The following INPP5F variants were observed in gnomAD, a reference collection of about 807,000 sequenced individuals.
INPP5F encodes phosphatidylinositide 4-phosphatase SAC2.
A neutral mutation model predicts 137.2 loss-of-function variants in INPP5F; 97 were observed. The ratio of observed to expected loss-of-function variants is 0.71; its 90% confidence interval spans 0.60 to 0.84. The LOEUF (loss-of-function observed/expected upper bound fraction) is 0.84, where lower values mean the gene tolerates loss of function less well. INPP5F is among the 40% of genes least tolerant of loss of function. INPP5F has a pLI of 0.00. For missense variants in INPP5F, 1,271 were observed against 1,371.9 expected (o/e 0.93, Z 1.16); for synonymous variants, 504 against 476.9 (o/e 1.06, Z -0.74).
At chr10:119,738,108 G>A (rs1455285955) in intron 1 of INPP5F, among the ~76,000 whole-genome samples, 1 of 152,168 alleles carries the variant, frequency 6.6e-6, no homozygotes, top group Non-Finnish European at 1.5e-5. Flanking sequence ...GCCATGTACT[G>A]CCAAATGGAT....
Position 119,781,694 on chromosome 10 carries a change from G to C in INPP5F, c.238G>C (p.Asp80His). The C allele has an allele frequency of 6.2e-7, 1 of 1,613,010 alleles. No individual in the cohort carries two copies. Among genetic ancestry groups the C allele is most frequent in the East Asian group, 2.2e-5 (1 of 44,852 alleles). The stretch of plus-strand genomic sequence containing the variant: ...AGCATTGGTGGGCAAACTCCCAGGA[G>C]ACCATGAGGTCTGTAAAGTTACCAA... ...QKALVGKLPG[D>H]HEVCKVTKIA... The change falls in exon 3 of 20, where the codon GAC becomes CAC. Residue 80 changes from aspartate (D) to histidine (H), a missense_variant. Physicochemically the swap from Asp to His is moderately conservative, Grantham distance 81 (BLOSUM62 -1). Around this residue, in one of 6 missense-constraint regions of INPP5F, gnomAD observed 109 missense variants for 105.1 expected, o/e 1.04. Coordinates refer to ENST00000650623, the MANE Select transcript of INPP5F (RefSeq NM_014937.4).
rs373352632 is a variant in INPP5F, at chr10:119,738,708, A to G, written c.97+12349A>G. ...AAGTGTCAGCTGTATGCCAGGCGCT[A>G]TACCAGGCAGCGAAGTCAGAGCAGC... On this transcript the variant is annotated intron_variant, in intron 1 of 19. Transcript: ENST00000650623. Among the ~76,000 whole-genome samples, 45 of 152,222 alleles carry G rather than the reference A, an allele frequency of 3.0e-4. 2 individuals carry two copies. The highest frequency in any genetic ancestry group is 9.9e-4 in the African/African-American group (41 of 41,528).
rs1341778496 is a variant in INPP5F at position 119,827,842 on chromosome 10, G to A, written c.*62G>A. On this transcript the variant is annotated 3_prime_UTR_variant, in exon 20 of 20. Transcript: ENST00000650623. ...AAAAATATGAAATTTTCACCTCTTG[G>A]GGTATTTTAATTGTACTGTCTGAAC... The A allele has an allele frequency of 5.9e-5, 72 of 1,221,092 alleles. No homozygotes were observed. The highest frequency in any genetic ancestry group is 8.0e-5 in the Non-Finnish European group (70 of 870,990). 75.6% of individuals were successfully genotyped at this position (1,221,092 alleles called of 1,614,324 possible).
intron 9 of INPP5F, among the ~76,000 whole-genome samples, chr10:119,799,094 T>C (rs576392466): frequency 6.6e-6 from 1 of 152,352 alleles, no homozygotes; most frequent in African/African-American, 2.4e-5. Flanking sequence ...TTTTTCAGTA[T>C]GTTTTTTTCT....
At chr10:119,788,498 A>T (rs1354242271) in intron 3 of INPP5F, among the ~76,000 whole-genome samples, 1 of 152,152 alleles carries the variant, frequency 6.6e-6, no homozygotes, top group Non-Finnish European at 1.5e-5. Context: ...AGGAAGAGAC[A>T]GCAGGGAGTG....
At chr10:119,818,626 G>C (rs1010035664) in intron 15 of INPP5F, 1 of 152,344 alleles carries the variant, frequency 6.6e-6, no homozygotes, top group Non-Finnish European at 1.5e-5. Flanking sequence ...GCGCGCATGC[G>C]CACTGGCCGC....
chr10:119,809,415 G>A (rs935548828), intron 13 of INPP5F, among the ~76,000 whole-genome samples: 4 of 152,064 alleles, frequency 2.6e-5, no homozygotes, highest in African/African-American at 9.7e-5. Flanking sequence ...TAAATTGTCG[G>A]TTTTTGGACT....
intron 6 of INPP5F, among the ~76,000 whole-genome samples, chr10:119,795,233 G>A (rs1850322457): frequency 6.6e-6 from 1 of 151,110 alleles, no homozygotes; most frequent in African/African-American, 2.4e-5. Context: ...CCTCCTGGAC[G>A]GGGCGGCTGG....
At chr10:119,804,327 T>C in intron 10 of INPP5F, 30 bp downstream of exon 10, 1 of 1,568,400 alleles carries the variant, frequency 6.4e-7, no homozygotes, top group Non-Finnish European at 8.6e-7. Context: ...ATAGTGTTGA[T>C]CAATTGCAGT....
intron 2 of INPP5F, among the ~76,000 whole-genome samples, chr10:119,759,710 T>G (rs1471367973): frequency 6.6e-6 from 1 of 152,212 alleles, no homozygotes; most frequent in Non-Finnish European, 1.5e-5. Flanking sequence ...TAGAAGATTC[T>G]TTAACTATAA....
rs759351029 is a variant in INPP5F at position 119,823,085 on chromosome 10, CT to C, written c.2052del (p.Phe684LeufsTer28). 2 of 1,613,464 alleles carry C rather than the reference CT, an allele frequency of 1.2e-6. No individual in the cohort carries two copies. The highest frequency in any genetic ancestry group is 8.5e-7 in the Non-Finnish European group (1 of 1,179,816). The stretch of plus-strand genomic sequence containing the variant: ...TGGGATTTTAGGCCCTGAACCCACT[CT>C]TTTTGGTAAGCCAAAGTTCTCCTGC... ...EKIEIGPEPT[L>X]FGKPKFSCMR... On this transcript the variant is annotated frameshift_variant, in exon 18 of 20. Coordinates refer to ENST00000650623, the MANE Select transcript of INPP5F (RefSeq NM_014937.4). LOFTEE classifies it high-confidence loss of function.
At chr10:119,771,884 T>TATACATA (rs1849373704) in intron 2 of INPP5F, among the ~76,000 whole-genome samples, 1 of 29,098 alleles carries the variant, frequency 3.4e-5, no homozygotes, top group Non-Finnish European at 6.1e-5. Context: ...ATATATATAT[T>TATACATA]TTTTTTTTTT....
At position 119,726,164 on chromosome 10, in the gene INPP5F, C is replaced by T. The variant is rs1847876836; in HGVS notation, c.-99C>T. On this transcript the variant is annotated 5_prime_UTR_variant, in exon 1 of 20. Transcript: ENST00000650623. ...GCTGCTTCTCGGCGCGGTTCCTACC[C>T]GGCCGCTCCCCGAGGCGCGGGCTCT... is the stretch of plus-strand genomic sequence containing the variant. 5.8e-6 allele frequency: 4 copies of T among 685,994 alleles called. No homozygotes were observed. Among genetic ancestry groups the T allele is most frequent in the Middle Eastern group, 4.2e-4 (1 of 2,354 alleles). The allele number at this position is 685,994 out of a possible 1,614,324, so 42.5% of individuals were successfully genotyped here. A position where few individuals can be genotyped will look rare whatever the true frequency, so the allele number is the denominator to read the frequency against.
chr10:119,759,188 T>A (rs530601529), intron 2 of INPP5F, among the ~76,000 whole-genome samples: 1 of 152,232 alleles, frequency 6.6e-6, no homozygotes, highest in South Asian at 2.1e-4. Context: ...CCCAGCTAAT[T>A]TTTGTATTTT....
intron 2 of INPP5F, among the ~76,000 whole-genome samples, chr10:119,755,328 G>T (rs1381914113): frequency 6.6e-6 from 1 of 152,138 alleles, no homozygotes; most frequent in Non-Finnish European, 1.5e-5. Context: ...GCTTGTACAT[G>T]GCCACCATCC....
At chr10:119,742,663 G>C (rs576787664) in intron 1 of INPP5F, among the ~76,000 whole-genome samples, 1 of 152,280 alleles carries the variant, frequency 6.6e-6, no homozygotes, top group East Asian at 1.9e-4. Context: ...AATTGCACCA[G>C]AAAGAATCTG....
Position 119,827,197 on chromosome 10 carries a change from A to G in INPP5F, c.2816A>G (p.Lys939Arg). The G allele has an allele frequency of 6.2e-7, 1 of 1,614,160 alleles. No homozygotes were observed. Among genetic ancestry groups the G allele is most frequent in the Non-Finnish European group, 8.5e-7 (1 of 1,180,040 alleles). The change falls in exon 20 of 20, where the codon AAA becomes AGA. Residue 939 changes from lysine to arginine, a missense_variant. Coordinates refer to ENST00000650623, the MANE Select transcript of INPP5F (RefSeq NM_014937.4). Reference sequence around the variant, plus strand: ...AAAGGCCAGGAGTCTCCTTTGAAGAAAAGTCCTTCTGCTGGCGACGTACAC... The same window carrying G: ...AAAGGCCAGGAGTCTCCTTTGAAGAGAAGTCCTTCTGCTGGCGACGTACAC... ...LGKGQESPLK[K>R]SPSAGDVHIL...
intron 3 of INPP5F, among the ~76,000 whole-genome samples, chr10:119,789,727 TG>T (rs1296147621): frequency 6.6e-6 from 1 of 150,938 alleles, no homozygotes; most frequent in Admixed American, 6.6e-5. Context: ...TTTGGGAAGG[TG>T]GGGTTGGCAT....
intron 7 of INPP5F, 119 bp downstream of exon 7, chr10:119,797,032 T>A (rs1441289707): frequency 9.3e-6 from 9 of 968,610 alleles, no homozygotes; most frequent in African/African-American, 1.6e-5. Flanking sequence ...TTCAAAGTGC[T>A]TGGGGACTCT....
Sources: allele counts gnomAD v4.1 joint callset (sites outside exome capture counted in the v4.1 genomes callset), GRCh38; gene constraint gnomAD v4.1.1; regional missense constraint gnomAD v4.1.1; transcripts MANE v1.5; gene names NCBI Gene and HGNC (gene_info 2026-07-23, HGNC 2026-07-21).